WDR86: variants seen among roughly 807,000 people sequenced by gnomAD.
WDR86 encodes WD repeat-containing protein 86.
In WDR86, 30 loss-of-function variants were observed where a neutral mutation model predicts 36.5. The ratio of observed to expected loss-of-function variants is 0.82; its 90% CI spans 0.61 to 1.11. The LOEUF is 1.11. WDR86 is among the 50% of genes most tolerant of loss of function. WDR86 has a pLI of 0.00. For synonymous variants in WDR86, 255 were observed against 252.9 expected, an observed-to-expected ratio of 1.01 and a Z score of -0.08; for missense variants, 545 against 561.2, an observed-to-expected ratio of 0.97 and a Z score of 0.29.
intron 3 of WDR86, among the ~76,000 whole-genome samples, chr7:151,392,348 A>G (rs1799497903): frequency 6.9e-6 from 1 of 144,400 alleles, no homozygotes. Flanking sequence ...TCCACCCACC[A>G]CTGACTCCTC....
chr7:151,382,239 C>T (rs891602691), intron 4 of WDR86, among the ~76,000 whole-genome samples: 1 of 152,242 alleles, frequency 6.6e-6, no homozygotes, highest in Non-Finnish European at 1.5e-5. Flanking sequence ...GTCCCCACTC[C>T]GCGGTTTGGT....
In WDR86 at chr7:151,383,862, C is replaced by A. The variant is rs527723044; in HGVS notation, c.862+1226G>T. On this transcript the variant is annotated intron_variant, in intron 4 of 5. Coordinates refer to ENST00000334493, the MANE Select transcript of WDR86 (RefSeq NM_198285.3). The stretch of plus-strand genomic sequence containing the variant: ...GAGCTGGGCAACAGTGAGCTGCAGG[C>A]TTCGCTTTCCCTGCGGGCTCCATGC... Among the ~76,000 whole-genome samples the A allele has an allele frequency of 5.9e-5, 9 of 152,324 alleles. No individual in the cohort carries two copies. The South Asian group carries it at 1.9e-3, about 32-fold the overall frequency.
At chr7:151,373,787 G>A (rs1463702773), downstream of WDR86, among the ~76,000 whole-genome samples, 1 of 152,260 alleles carries the variant, frequency 6.6e-6, no homozygotes, top group East Asian at 1.9e-4. Context: ...TGCAGTGGGA[G>A]TGCTGGGTTG....
Position 151,381,364 on chromosome 7 carries a change from A to C in WDR86, c.*218T>G, listed in dbSNP as rs1798545254. Reference sequence around the variant, plus strand: ...GAGGGAGGACAGGAGCCACCCTAAAAGGGAAAAGGGGGCGGTCCCCAGGGC... The same window carrying C: ...GAGGGAGGACAGGAGCCACCCTAAACGGGAAAAGGGGGCGGTCCCCAGGGC... On this transcript the variant is annotated 3_prime_UTR_variant, in exon 6 of 6. Coordinates refer to ENST00000334493, the MANE Select transcript of WDR86 (RefSeq NM_198285.3). The surrounding 1 kb of genome is among the most constrained non-coding windows in gnomAD (Gnocchi z 4.8). 2.8e-5 allele frequency: 40 copies of C among 1,431,188 alleles called. No individual in the cohort carries two copies. The highest frequency in any genetic ancestry group is 3.5e-5 in the Non-Finnish European group (39 of 1,102,928). The allele number at this position is 1,431,188 out of a possible 1,614,324, so 88.7% of individuals were successfully genotyped here.
intron 3 of WDR86, among the ~76,000 whole-genome samples, chr7:151,387,361 T>G (rs1283220163): frequency 1.3e-5 from 2 of 152,048 alleles, no homozygotes; most frequent in Non-Finnish European, 2.9e-5. Flanking sequence ...GCACTGTGCT[T>G]AGCCCTCCCA....
intron 3 of WDR86, 55 bp from the exon 4 acceptor site, chr7:151,385,278 A>T: frequency 6.2e-7 from 1 of 1,600,632 alleles, no homozygotes; most frequent in Admixed American, 1.7e-5. Context: ...AGCCCCCCAG[A>T]CCTCTCCCTC....
At chr7:151,402,312 G>C (rs956838597) in intron 1 of WDR86, among the ~76,000 whole-genome samples, 8 of 151,822 alleles carry the variant, frequency 5.3e-5, no homozygotes, top group Non-Finnish European at 1.2e-4. Flanking sequence ...TCAGCCCTCT[G>C]GGTTCCAGCA....
At chr7:151,408,148 T>C (rs1563070393) in intron 1 of WDR86, among the ~76,000 whole-genome samples, 1 of 152,056 alleles carries the variant, frequency 6.6e-6, no homozygotes, top group Non-Finnish European at 1.5e-5. Flanking sequence ...GTCATCCCTG[T>C]TGGGTTTGAA....
downstream of WDR86, among the ~76,000 whole-genome samples, chr7:151,379,007 G>A (rs1483407244): frequency 1.3e-5 from 2 of 152,214 alleles, no homozygotes; most frequent in South Asian, 2.1e-4. Context: ...CTGCTCCACC[G>A]GACAGGCGGT....
At chr7:151,408,924 A>G (rs997389647) in intron 1 of WDR86, 9 of 471,730 alleles carry the variant, frequency 1.9e-5, no homozygotes, top group African/African-American at 1.2e-4. Context: ...TATGTGGGGT[A>G]ACATAGTGTG....
chr7:151,376,196 CACT>C, downstream of WDR86: 1 of 497,686 alleles, frequency 2.0e-6, no homozygotes, highest in African/African-American at 1.9e-5. Flanking sequence ...GTCTATGCAC[CACT>C]GTTTGCATCA....
downstream of WDR86, among the ~76,000 whole-genome samples, chr7:151,379,528 C>T (rs73727161): frequency 0.014 from 2,163 of 152,272 alleles, 54 homozygotes; most frequent in African/African-American, 0.049. Flanking sequence ...GGAACCAGGC[C>T]TGGGTTCAGG....
chr7:151,409,066 G>C lies in WDR86; in HGVS notation c.163+361C>G. The C allele has an allele frequency of 1.9e-6, 1 of 531,940 alleles. No individual in the cohort carries two copies. The highest frequency in any genetic ancestry group is 3.7e-6 in the Non-Finnish European group (1 of 267,174). The allele number at this position is 531,940 out of a possible 1,614,324, so 33.0% of individuals were successfully genotyped here. A position where few individuals can be genotyped will look rare whatever the true frequency, so the allele number is the denominator to read the frequency against. On this transcript the variant is annotated intron_variant, in intron 1 of 5. Coordinates refer to ENST00000334493, the MANE Select transcript of WDR86 (RefSeq NM_198285.3). This position sits in a 1 kb window ranked among gnomAD's most constrained non-coding sequence, Gnocchi z 5.2. ...GGCCACAAGGCACCTAGAGACAAGG[G>C]AAGGTTTGCTTAGAAGGAGTATAGG...
At chr7:151,386,941 C>T (rs932643138) in intron 3 of WDR86, among the ~76,000 whole-genome samples, 4 of 152,234 alleles carry the variant, frequency 2.6e-5, no homozygotes, top group Admixed American at 1.3e-4. Context: ...CCTCCCTTTT[C>T]CTTCATCGGC....
At position 151,388,420 on chromosome 7, in the gene WDR86, G is replaced by A. The variant is rs985775015; in HGVS notation, c.727-3197C>T. ...CCCAGGTCAAGCCCAGAACCTGGGCGACCCCTCAAAGAGCAGGGGAGAGGG... is the reference window on the plus strand; with the variant it reads ...CCCAGGTCAAGCCCAGAACCTGGGCAACCCCTCAAAGAGCAGGGGAGAGGG... On this transcript the variant is annotated intron_variant, in intron 3 of 5. Transcript: ENST00000334493. This position sits in a 1 kb window ranked among gnomAD's most constrained non-coding sequence, Gnocchi z 4.2. 6.6e-6 allele frequency among the ~76,000 whole-genome samples: 1 copy of A among 152,052 alleles called. No individual in the cohort carries two copies. The highest frequency in any genetic ancestry group is 1.5e-5 in the Non-Finnish European group (1 of 67,998).
At chr7:151,392,614 G>A (rs894032511) in intron 3 of WDR86, among the ~76,000 whole-genome samples, 6 of 152,136 alleles carry the variant, frequency 3.9e-5, no homozygotes, top group African/African-American at 1.4e-4. Context: ...GGGAGGCCGA[G>A]TCTAATAGAG....
downstream of WDR86, among the ~76,000 whole-genome samples, chr7:151,373,144 T>C (rs117924342): frequency 3.3e-4 from 51 of 152,296 alleles, 2 homozygotes; most frequent in East Asian, 8.7e-3. Context: ...ATCAGGTCTC[T>C]GGAAGGAAGG....
rs1234887379 is a variant in WDR86 at position 151,381,904 on chromosome 7, G to C, written c.940C>G (p.His314Asp). ...TGGATGCAGTTGATGATGAATGTGT[G>C]GCCCCGGAACACCCTCCGCAGCTCT... is the stretch of plus-strand genomic sequence containing the variant. ...SGELRRVFRG[H>D]TFIINCIQVH... Residue 314 changes from histidine to aspartate, a missense_variant, in exon 5 of 6, where the codon CAC becomes GAC. His to Asp is a moderately conservative substitution (Grantham distance 81, BLOSUM62 -1). Coordinates refer to ENST00000334493, the MANE Select transcript of WDR86 (RefSeq NM_198285.3). This position sits in a 1 kb window ranked among gnomAD's most constrained non-coding sequence, Gnocchi z 4.8. The C allele has an allele frequency of 8.1e-6, 13 of 1,610,386 alleles. No homozygotes were observed. The highest frequency in any genetic ancestry group is 1.7e-5 in the Admixed American group (1 of 59,724).
At chr7:151,394,852 C>T (rs79429121) in intron 3 of WDR86, among the ~76,000 whole-genome samples, 4,246 of 152,310 alleles carry the variant, frequency 0.028, 194 homozygotes, top group African/African-American at 0.098. Context: ...GTGAGAACCC[C>T]CAGGCACCGG....
Sources: allele counts gnomAD v4.1 joint callset (sites outside exome capture counted in the v4.1 genomes callset), GRCh38; gene constraint gnomAD v4.1.1; non-coding constraint Gnocchi (gnomAD v3.1); transcripts MANE v1.5; gene names NCBI Gene and HGNC (gene_info 2026-07-23, HGNC 2026-07-21).